Variants in FAM110B observed in about 807,000 individuals in gnomAD.
FAM110B encodes the protein protein FAM110B.
FAM110B carries 6 observed loss-of-function variants against 20.4 expected under a neutral mutation model. That is an observed-to-expected ratio of 0.29 (90% CI 0.16 to 0.58). The LOEUF (loss-of-function observed/expected upper bound fraction) is 0.58. Among genes scored for constraint, FAM110B ranks in the 20% least tolerant of loss-of-function variants. The pLI is 0.90. For missense variants in FAM110B, 434 were observed against 498.2 expected (o/e 0.87, Z 1.23); for synonymous variants, 226 against 214.1 (o/e 1.06, Z -0.49).
At chr8:57,995,630 G>A (rs140568565) in intron 1 of FAM110B, among the ~76,000 whole-genome samples, 1,525 of 152,246 alleles carry the variant, frequency 0.01, 12 homozygotes, top group Non-Finnish European at 0.014. Context: ...TCTCCCTTAA[G>A]CTGGCTCGTG....
chr8:58,017,730 A>G (rs1450533286), intron 1 of FAM110B, among the ~76,000 whole-genome samples: 4 of 152,234 alleles, frequency 2.6e-5, no homozygotes, highest in Admixed American at 2.6e-4. Flanking sequence ...AGTATCTTGG[A>G]ATCAACACAC....
intron 2 of FAM110B, among the ~76,000 whole-genome samples, chr8:58,042,783 A>C (rs1207462063): frequency 6.6e-6 from 1 of 152,242 alleles, no homozygotes; most frequent in South Asian, 2.1e-4. Flanking sequence ...CTGCTTATCA[A>C]ATCTCCTGGA....
At chr8:58,062,428 T>C (rs1805676209) in intron 2 of FAM110B, among the ~76,000 whole-genome samples, 1 of 152,218 alleles carries the variant, frequency 6.6e-6, no homozygotes. Flanking sequence ...AGACTCCATT[T>C]GCACATTAAT....
intron 1 of FAM110B, among the ~76,000 whole-genome samples, chr8:57,995,230 G>A (rs1804159567): frequency 1.3e-5 from 2 of 152,278 alleles, no homozygotes; most frequent in Admixed American, 1.3e-4. Flanking sequence ...GGAGGAGTGG[G>A]ACTACGAAGG....
intron 3 of FAM110B, among the ~76,000 whole-genome samples, chr8:58,099,725 A>G (rs1049801172): frequency 9.4e-5 from 14 of 149,420 alleles, no homozygotes; most frequent in African/African-American, 3.4e-4. Flanking sequence ...ATGTATATCA[A>G]ACTGTGTTGT....
intron 3 of FAM110B, among the ~76,000 whole-genome samples, chr8:58,096,364 C>T (rs1450321989): frequency 4.6e-5 from 7 of 152,076 alleles, no homozygotes; most frequent in African/African-American, 1.4e-4. Flanking sequence ...TTAGTAGTTA[C>T]AGGGTTTCAC....
At chr8:58,021,716 G>A (rs970661609) in intron 1 of FAM110B, among the ~76,000 whole-genome samples, 1 of 151,988 alleles carries the variant, frequency 6.6e-6, no homozygotes, top group Non-Finnish European at 1.5e-5. Context: ...ATACCAACTT[G>A]GATGAGCAAG....
chr8:58,092,386 T>C (rs901365880), intron 3 of FAM110B, among the ~76,000 whole-genome samples: 11 of 152,154 alleles, frequency 7.2e-5, no homozygotes, highest in African/African-American at 2.7e-4. Context: ...CTAATGCTAT[T>C]CCTTCCCTAA....
intron 1 of FAM110B, among the ~76,000 whole-genome samples, chr8:58,004,869 T>G (rs1804369923): frequency 6.6e-6 from 1 of 152,222 alleles, no homozygotes; most frequent in Non-Finnish European, 1.5e-5. Context: ...GGCCTTGACT[T>G]ACGGGAATAT....
At chr8:58,124,673 C>A (rs1807448464) in intron 3 of FAM110B, among the ~76,000 whole-genome samples, 1 of 152,200 alleles carries the variant, frequency 6.6e-6, no homozygotes, top group East Asian at 1.9e-4. Context: ...GATACTAGAA[C>A]TGACTTGCAT....
At chr8:58,065,369 G>T (rs1259896144) in intron 2 of FAM110B, among the ~76,000 whole-genome samples, 1 of 152,068 alleles carries the variant, frequency 6.6e-6, no homozygotes, top group East Asian at 1.9e-4. Flanking sequence ...ATTATTCCAC[G>T]GTCCATGTAG....
intron 1 of FAM110B, among the ~76,000 whole-genome samples, chr8:58,023,858 G>A (rs184582699): frequency 2.4e-4 from 36 of 152,306 alleles, no homozygotes; most frequent in African/African-American, 6.7e-4. Context: ...CCGTGTCTGA[G>A]TACCATTTTT....
At chr8:58,143,266 T>C (rs1448987135) in intron 3 of FAM110B, among the ~76,000 whole-genome samples, 2 of 152,150 alleles carry the variant, frequency 1.3e-5, no homozygotes, top group African/African-American at 2.4e-5. Flanking sequence ...CCAAACAGTA[T>C]CTTTAGTTTG....
At chr8:58,116,265 A>C (rs1044406655) in intron 3 of FAM110B, among the ~76,000 whole-genome samples, 5 of 152,184 alleles carry the variant, frequency 3.3e-5, no homozygotes, top group African/African-American at 1.2e-4. Flanking sequence ...TTTTCCCAAC[A>C]GAGCATTCAG....
intron 3 of FAM110B, among the ~76,000 whole-genome samples, chr8:58,105,258 C>T (rs573770622): frequency 5.3e-5 from 8 of 152,266 alleles, no homozygotes; most frequent in African/African-American, 1.9e-4. Flanking sequence ...TATCAGGGTG[C>T]ACTTGGCAAA....
intron 3 of FAM110B, among the ~76,000 whole-genome samples, chr8:58,112,952 G>C (rs1351099108): frequency 6.6e-6 from 1 of 152,142 alleles, no homozygotes. Flanking sequence ...CCAAGACCAA[G>C]ATGCCAACAG....
intron 3 of FAM110B, among the ~76,000 whole-genome samples, chr8:58,098,404 C>T (rs770780922): frequency 2.6e-5 from 4 of 152,206 alleles, no homozygotes; most frequent in Non-Finnish European, 5.9e-5. Flanking sequence ...CAACCAAGCT[C>T]GAGTGTCCCG....
intron 3 of FAM110B, among the ~76,000 whole-genome samples, chr8:58,123,485 AAG>A (rs1406026856): frequency 1.3e-5 from 2 of 152,312 alleles, no homozygotes; most frequent in Non-Finnish European, 2.9e-5. Context: ...TGGGAATAAA[AAG>A]AGATAAACTA....
intron 2 of FAM110B, among the ~76,000 whole-genome samples, chr8:58,066,622 C>T (rs1234516119): frequency 6.6e-6 from 1 of 152,152 alleles, no homozygotes; most frequent in African/African-American, 2.4e-5. Flanking sequence ...TCTTGCCCGC[C>T]AGTTGTCTTG....
Sources: gnomAD v4.1 joint callset for allele counts (sites outside exome capture counted in the v4.1 genomes callset) on GRCh38, gnomAD v4.1.1 for gene constraint, MANE v1.5 for transcripts, NCBI Gene and HGNC (gene_info 2026-07-23, HGNC 2026-07-21) for gene names.